PDE8B: variants seen among roughly 807,000 people sequenced by gnomAD.
PDE8B encodes high affinity cAMP-specific and IBMX-insensitive 3',5'-cyclic phosphodiesterase 8B.
PDE8B carries 26 observed loss-of-function variants against 101.3 expected under a neutral mutation model. The ratio of observed to expected loss-of-function variants is 0.26; its 90% confidence interval spans 0.19 to 0.36. The LOEUF (loss-of-function observed/expected upper bound fraction) is 0.36. Ranked by LOEUF, PDE8B falls within the 10% of genes least tolerant of loss-of-function variation. The pLI is 1.00. For synonymous variants in PDE8B, 424 were observed against 429.3 expected, an observed-to-expected ratio of 0.99 and a Z score of 0.15; for missense variants, 810 against 1,163.1, an observed-to-expected ratio of 0.70 and a Z score of 4.42.
intron 1 of PDE8B, among the ~76,000 whole-genome samples, chr5:77,229,177 CTG>C (rs769861278): frequency 1.3e-5 from 2 of 152,306 alleles, no homozygotes; most frequent in African/African-American, 2.4e-5. Flanking sequence ...ATCAATGTAA[CTG>C]TGTAAATTTT....
At chr5:77,402,920 TAAAG>T (rs1240232711) in intron 11 of PDE8B, among the ~76,000 whole-genome samples, 1 of 152,244 alleles carries the variant, frequency 6.6e-6, no homozygotes, top group Non-Finnish European at 1.5e-5. Flanking sequence ...AGGCAATTCT[TAAAG>T]AAGTGTTATT....
intron 1 of PDE8B, among the ~76,000 whole-genome samples, chr5:77,241,832 G>A (rs912789929): frequency 2.6e-5 from 4 of 152,152 alleles, no homozygotes; most frequent in African/African-American, 9.7e-5. Flanking sequence ...TTGCTTTAAA[G>A]TTTTAAAGTT....
chr5:77,097,693 CTATATATATA>C, the PDE8B span, among the ~76,000 whole-genome samples: 2 of 30,216 alleles, frequency 6.6e-5, no homozygotes, highest in African/African-American at 2.1e-4. Context: ...TTTTATATAT[CTATATATATA>C]TATCTATATA....
At chr5:77,336,544 C>T (rs1434487450) in intron 5 of PDE8B, among the ~76,000 whole-genome samples, 1 of 152,142 alleles carries the variant, frequency 6.6e-6, no homozygotes, top group Non-Finnish European at 1.5e-5. Context: ...CATGTTGTAG[C>T]ATGTATCAGT....
intron 1 of PDE8B, among the ~76,000 whole-genome samples, chr5:77,256,155 A>G (rs549565738): frequency 1.4e-4 from 21 of 152,130 alleles, no homozygotes; most frequent in Non-Finnish European, 2.5e-4. Flanking sequence ...AGCAATTTGT[A>G]TTTTTTTGCA....
chr5:77,379,072 G>A (rs536290656), intron 10 of PDE8B, among the ~76,000 whole-genome samples: 1 of 152,264 alleles, frequency 6.6e-6, no homozygotes, highest in East Asian at 1.9e-4. Context: ...GATTATCACT[G>A]GGCTAAACAA....
chr5:77,185,535 GA>G, the PDE8B span, among the ~76,000 whole-genome samples: 1 of 152,090 alleles, frequency 6.6e-6, no homozygotes, highest in Non-Finnish European at 1.5e-5. Flanking sequence ...GTTACATTCT[GA>G]GGTACTGGGA....
chr5:77,411,748 G>T, intron 15 of PDE8B, 27 bp downstream of exon 15: 1 of 1,540,538 alleles, frequency 6.5e-7, no homozygotes, highest in South Asian at 1.1e-5. Flanking sequence ...TTACTTGTTA[G>T]TGTAACCTGT....
intron 1 of PDE8B, among the ~76,000 whole-genome samples, chr5:77,275,384 A>G (rs1319298450): frequency 8.8e-6 from 1 of 113,112 alleles, no homozygotes; most frequent in Non-Finnish European, 1.9e-5. Context: ...TCCCAAAAAG[A>G]GGACCACTTA....
chr5:77,319,865 C>T (rs1416762707), intron 2 of PDE8B, among the ~76,000 whole-genome samples: 1 of 152,204 alleles, frequency 6.6e-6, no homozygotes, highest in Non-Finnish European at 1.5e-5. Context: ...CACTTCGTAT[C>T]GTAACTTATA....
chr5:77,131,184 T>A, the PDE8B span: 1 of 152,274 alleles, frequency 6.6e-6, no homozygotes, highest in Non-Finnish European at 1.5e-5. Flanking sequence ...GACCTCTTCC[T>A]ATCCCAACAG....
chr5:77,255,333 G>A (rs995750113), intron 1 of PDE8B, among the ~76,000 whole-genome samples: 3 of 152,166 alleles, frequency 2.0e-5, no homozygotes, highest in East Asian at 1.9e-4. Flanking sequence ...TATGCTACAG[G>A]CAGGGCTGGC....
chr5:77,140,475 G>GA, the PDE8B span: 2 of 152,184 alleles, frequency 1.3e-5, no homozygotes, highest in Non-Finnish European at 2.9e-5. Flanking sequence ...AGGCTACAGT[G>GA]ACATTAGCCC....
chr5:77,204,049 A>ATTT, the PDE8B span, among the ~76,000 whole-genome samples: 1 of 119,834 alleles, frequency 8.3e-6, no homozygotes, highest in African/African-American at 3.7e-5. Context: ...TTGTACCCTT[A>ATTT]GTTTTTTTTT....
chr5:77,218,412 G>A lies in PDE8B; in HGVS notation c.339+7148G>A, dbSNP rs116610422. Among the ~76,000 whole-genome samples the A allele has an allele frequency of 4.9e-3, 744 of 152,324 alleles. 7 individuals are homozygous for A. Among genetic ancestry groups the A allele is most frequent in the African/African-American group, 0.017 (721 of 41,576 alleles). On this transcript the variant is annotated intron_variant, in intron 1 of 21. Coordinates refer to ENST00000264917, the MANE Select transcript of PDE8B (RefSeq NM_003719.5). Reference sequence around the variant, plus strand: ...GGTGGGATAAATTTCCCAAGGCGAGGACTGAAGTTTGAAGGCAAGAGGGTC... The same window carrying A: ...GGTGGGATAAATTTCCCAAGGCGAGAACTGAAGTTTGAAGGCAAGAGGGTC...
the PDE8B span, among the ~76,000 whole-genome samples, chr5:77,171,239 A>G: frequency 6.6e-6 from 1 of 152,204 alleles, no homozygotes; most frequent in African/African-American, 2.4e-5. Flanking sequence ...TTTGTGAACA[A>G]AACAGGTGGG....
the PDE8B span, among the ~76,000 whole-genome samples, chr5:77,090,412 T>G: frequency 6.6e-6 from 1 of 152,050 alleles, no homozygotes; most frequent in Non-Finnish European, 1.5e-5. Flanking sequence ...CTAAGGGAAC[T>G]ACAGGCGCCC....
chr5:77,135,268 A>G, the PDE8B span, among the ~76,000 whole-genome samples: 1 of 152,134 alleles, frequency 6.6e-6, no homozygotes, highest in Admixed American at 6.5e-5. Flanking sequence ...TCTGCTCTGC[A>G]TTCCTTTATC....
intron 15 of PDE8B, 97 bp from the exon 16 acceptor site, chr5:77,412,003 C>A: frequency 2.3e-6 from 3 of 1,291,682 alleles, no homozygotes. Context: ...AGGTACAAGA[C>A]TTTTTTTCTA....
Sources: gnomAD v4.1 joint callset for allele counts (sites outside exome capture counted in the v4.1 genomes callset) on GRCh38, gnomAD v4.1.1 for gene constraint, MANE v1.5 for transcripts, NCBI Gene and HGNC (gene_info 2026-07-23, HGNC 2026-07-21) for gene names.